CFAP99: variants seen among roughly 807,000 people sequenced by gnomAD.
The protein encoded by CFAP99 is cilia- and flagella-associated protein 99.
A neutral mutation model predicts 82.7 loss-of-function variants in CFAP99; 84 were observed. The observed-to-expected ratio is 1.02, with a 90% CI of 0.85 to 1.22. The LOEUF (loss-of-function observed/expected upper bound fraction) is 1.22. CFAP99 is among the 50% of genes most tolerant of loss of function. The pLI, the probability that CFAP99 is intolerant of heterozygous loss-of-function variation, is 0.00. For synonymous variants in CFAP99, 456 were observed against 429.5 expected, an observed-to-expected ratio of 1.06 and a Z score of -0.76; for missense variants, 1,059 against 983.5, an observed-to-expected ratio of 1.08 and a Z score of -1.03.
intron 11 of CFAP99, among the ~76,000 whole-genome samples, chr4:2,456,651 C>T (rs943037169): frequency 6.6e-6 from 1 of 152,118 alleles, no homozygotes; most frequent in Non-Finnish European, 1.5e-5. Flanking sequence ...TCCTGAGTAG[C>T]TGGGATTACA....
intron 2 of CFAP99, chr4:2,427,109 C>T (rs1389604797): frequency 1.9e-5 from 3 of 157,666 alleles, no homozygotes; most frequent in African/African-American, 7.2e-5. Context: ...GTACACACCT[C>T]CTTCATCTTC....
At chr4:2,419,248 T>C (rs2108703119) in intron 1 of CFAP99, among the ~76,000 whole-genome samples, 155 bp downstream of exon 1, 1 of 152,194 alleles carries the variant, frequency 6.6e-6, no homozygotes, top group South Asian at 2.1e-4. Flanking sequence ...CTCTTTTTTT[T>C]TTTTTAAATC....
intron 11 of CFAP99, among the ~76,000 whole-genome samples, chr4:2,458,032 T>G (rs1285297032): frequency 6.6e-6 from 1 of 152,152 alleles, no homozygotes; most frequent in Non-Finnish European, 1.5e-5. Flanking sequence ...GCTGCCTCCC[T>G]GATTCCACGT....
chr4:2,462,344 T>G lies in CFAP99; in HGVS notation c.1662-99T>G. ...ATTCCGGTGAACCTCTCCGGCTGCG[T>G]AGCTCCTTGCCCCCGCGTCGCTTGG... On this transcript the variant is annotated intron_variant, in intron 14 of 14. Coordinates refer to ENST00000635017, the Ensembl canonical transcript of CFAP99. The surrounding 1 kb of genome is among the most constrained non-coding windows in gnomAD (Gnocchi z 4.1). 8 of 1,209,128 alleles carry G rather than the reference T, an allele frequency of 6.6e-6. No homozygotes were observed. Among genetic ancestry groups the G allele is most frequent in the Non-Finnish European group, 8.6e-6 (8 of 929,704 alleles). 74.9% of individuals were successfully genotyped at this position (1,209,128 alleles called of 1,614,324 possible).
rs939162892 is a variant in CFAP99 at position 2,440,890 on chromosome 4, G to A, written c.352-2240G>A. On this transcript the variant is annotated intron_variant, in intron 4 of 14. Coordinates refer to ENST00000635017, the Ensembl canonical transcript of CFAP99. Reference sequence around the variant, plus strand: ...ATTACAGGCGTCAGCCACCGCGCCCGGCCAAAATTTTTTTTAAATTAGCCT... The same window carrying A: ...ATTACAGGCGTCAGCCACCGCGCCCAGCCAAAATTTTTTTTAAATTAGCCT... Among the ~76,000 whole-genome samples the A allele has an allele frequency of 3.2e-4, 48 of 151,910 alleles. 1 individual carries two copies. The highest frequency in any genetic ancestry group is 3.4e-3 in the Middle Eastern group (1 of 294).
chr4:2,454,748 C>T (rs537174831), intron 11 of CFAP99, among the ~76,000 whole-genome samples: 8 of 150,434 alleles, frequency 5.3e-5, no homozygotes, highest in African/African-American at 1.2e-4. Context: ...CAGCCTCCTG[C>T]GTAGCCGGGA....
At chr4:2,451,535 C>A (rs1734301267) in intron 10 of CFAP99, among the ~76,000 whole-genome samples, 183 bp downstream of exon 10, 1 of 152,082 alleles carries the variant, frequency 6.6e-6, no homozygotes, top group South Asian at 2.1e-4. Flanking sequence ...GTGCATCTTA[C>A]AAAGATCATG....
At chr4:2,439,460 G>C (rs1733988066) in intron 4 of CFAP99, among the ~76,000 whole-genome samples, 1 of 152,186 alleles carries the variant, frequency 6.6e-6, no homozygotes, top group South Asian at 2.1e-4. Context: ...TCCAAGCCTG[G>C]AGAAGTGGGA....
intron 10 of CFAP99, among the ~76,000 whole-genome samples, chr4:2,451,683 CCT>C (rs1734304582): frequency 6.6e-6 from 1 of 151,806 alleles, no homozygotes; most frequent in Non-Finnish European, 1.5e-5. Context: ...GCTGCAAACC[CCT>C]GTGCTTACCC....
chr4:2,440,146 A>ATTTTTTTTTTTTTTT (rs1560382287), intron 4 of CFAP99, among the ~76,000 whole-genome samples: 2 of 95,870 alleles, frequency 2.1e-5, no homozygotes, highest in Admixed American at 1.1e-4. Flanking sequence ...CCAGCTTGAC[A>ATTTTTTTTTTTTTTT]TTCTTTTTTT....
intron 8 of CFAP99, 97 bp from the exon 9 acceptor site, chr4:2,450,850 C>T (rs1381022404): frequency 1.9e-6 from 2 of 1,038,444 alleles, no homozygotes; most frequent in African/African-American, 1.6e-5. Flanking sequence ...TGAGCCAGGC[C>T]TCCCCAGGGT....
intron 1 of CFAP99, among the ~76,000 whole-genome samples, chr4:2,426,181 C>T (rs1733678760): frequency 6.6e-6 from 1 of 152,102 alleles, no homozygotes; most frequent in Admixed American, 6.5e-5. Flanking sequence ...TGGGGGTGAC[C>T]TGATGGTGAA....
At chr4:2,459,312 T>C (rs1734520761) in intron 13 of CFAP99, 54 bp downstream of exon 13, 4 of 1,465,918 alleles carry the variant, frequency 2.7e-6, no homozygotes, top group Non-Finnish European at 3.6e-6. Flanking sequence ...ACGCTGGCAC[T>C]GCCATGAGAG....
Position 2,454,581 on chromosome 4 carries a change from CTT to C in CFAP99, c.1161+2246_1161+2247del, listed in dbSNP as rs200727697. Among the ~76,000 whole-genome samples, 554 of 94,708 alleles carry C rather than the reference CTT, an allele frequency of 5.8e-3. 5 individuals carry two copies. The highest frequency in any genetic ancestry group is 9.5e-3 in the Non-Finnish European group (449 of 47,106). The allele number at this position is 94,708 out of a possible 152,430, so 62.1% of individuals were successfully genotyped here. A position where few individuals can be genotyped will look rare whatever the true frequency, so the allele number is the denominator to read the frequency against. On this transcript the variant is annotated intron_variant, in intron 11 of 14. Coordinates refer to ENST00000635017, the Ensembl canonical transcript of CFAP99. ...TTTTTCTTTTTTTGTTGTTTTTTTT[CTT>C]TTTTTTTTTTGTTTTTTTTTTTTTT...
chr4:2,456,985 C>A (rs922959499), intron 11 of CFAP99, among the ~76,000 whole-genome samples: 4 of 130,104 alleles, frequency 3.1e-5, no homozygotes, highest in Non-Finnish European at 6.2e-5. Context: ...TCGGGTCTTG[C>A]TCTGTCTCCC....
chr4:2,447,258 C>CTGGA lies in CFAP99; in HGVS notation c.642+1971_642+1974dup, dbSNP rs747399519. On this transcript the variant is annotated intron_variant, in intron 6 of 14. Coordinates refer to ENST00000635017, the Ensembl canonical transcript of CFAP99. Reference sequence around the variant, plus strand: ...GATAAGTGGATGGATAGATGGATGACTGGATGGATGGATGGATGGATGGAC... The same window carrying CTGGA: ...GATAAGTGGATGGATAGATGGATGACTGGATGGATGGATGGATGGATGGATGGAC... Among the ~76,000 whole-genome samples the CTGGA allele has an allele frequency of 7.0e-3, 976 of 139,724 alleles. 3 individuals are homozygous for CTGGA. The highest frequency in any genetic ancestry group is 0.022 in the African/African-American group (810 of 37,082). The allele number at this position is 139,724 out of a possible 152,430, so 91.7% of individuals were successfully genotyped here.
intron 2 of CFAP99, among the ~76,000 whole-genome samples, chr4:2,434,427 C>G (rs1214030478): frequency 6.6e-6 from 1 of 152,242 alleles, no homozygotes; most frequent in Non-Finnish European, 1.5e-5. Flanking sequence ...AGCCCTAGAA[C>G]GAAGGACTGT....
Position 2,462,558 on chromosome 4 carries a change from G to A in CFAP99, c.1777G>A (p.Ala593Thr). ...GGCGGCCGAGCGCAGCAGGCAGGCG[G>A]CCTTGCTGCACGTGTCGGCGCCGCG... Residue 593 changes from alanine (A) to threonine (T), a missense_variant, in exon 15 of 15, where the codon GCC (alanine) becomes ACC (threonine). Coordinates refer to ENST00000635017, the Ensembl canonical transcript of CFAP99. The surrounding 1 kb of genome is among the most constrained non-coding windows in gnomAD (Gnocchi z 4.1). 6.9e-7 allele frequency: 1 copy of A among 1,459,694 alleles called. No individual in the cohort carries two copies. The allele number at this position is 1,459,694 out of a possible 1,614,324, so 90.4% of individuals were successfully genotyped here.
chr4:2,442,538 C>T (rs1734067780), intron 4 of CFAP99, among the ~76,000 whole-genome samples: 1 of 152,112 alleles, frequency 6.6e-6, no homozygotes, highest in African/African-American at 2.4e-5. Context: ...CCACCATTAC[C>T]CCCGCTCAGC....
Sources: gnomAD v4.1 joint callset for allele counts (sites outside exome capture counted in the v4.1 genomes callset) on GRCh38, gnomAD v4.1.1 for gene constraint, Gnocchi (gnomAD v3.1) non-coding constraint, MANE v1.5 for transcripts, NCBI Gene and HGNC (gene_info 2026-07-23, HGNC 2026-07-21) for gene names.